The following ZBTB20 variants were observed in gnomAD, a reference collection of about 807,000 sequenced individuals.
ZBTB20 encodes zinc finger and BTB domain-containing protein 20.
In ZBTB20, 9 loss-of-function variants were observed where a neutral mutation model predicts 56.9. That is an observed-to-expected ratio of 0.16 (90% CI 0.10 to 0.28). The LOEUF (loss-of-function observed/expected upper bound fraction) is 0.28, where lower values mean the gene tolerates loss of function less well. Ranked by LOEUF, ZBTB20 falls within the 10% of genes least tolerant of loss-of-function variation. The probability of loss-of-function intolerance (pLI) is 1.00; values close to 1 mark genes in which losing one functional copy is unlikely to be tolerated. For missense variants in ZBTB20, 655 were observed against 1,003.0 expected (o/e 0.65, Z 4.69); for synonymous variants, 417 against 420.7 (o/e 0.99, Z 0.11).
chr3:114,495,977 A>C (rs2043240464), intron 7 of ZBTB20, among the ~76,000 whole-genome samples: 1 of 152,168 alleles, frequency 6.6e-6, no homozygotes, highest in Non-Finnish European at 1.5e-5. Context: ...TAAGAGTTGG[A>C]ATCCCTCTGT....
intron 6 of ZBTB20, among the ~76,000 whole-genome samples, chr3:114,608,770 T>G (rs1252095684): frequency 6.6e-6 from 1 of 152,240 alleles, no homozygotes; most frequent in African/African-American, 2.4e-5. Context: ...CTTAGTCATG[T>G]AACAGAGGGT....
chr3:114,719,128 C>A (rs1005623939), intron 5 of ZBTB20, among the ~76,000 whole-genome samples: 2 of 133,962 alleles, frequency 1.5e-5, no homozygotes, highest in East Asian at 2.2e-4. Context: ...TTAGGAGGAA[C>A]ACAGCCAGGA....
chr3:114,820,896 C>T (rs534562672), intron 4 of ZBTB20, among the ~76,000 whole-genome samples: 2 of 152,132 alleles, frequency 1.3e-5, no homozygotes, highest in South Asian at 4.1e-4. Context: ...TAAAATTTAC[C>T]TACATTGCTA....
At chr3:115,128,148 A>G (rs1238157355) in intron 1 of ZBTB20, among the ~76,000 whole-genome samples, 3 of 152,226 alleles carry the variant, frequency 2.0e-5, no homozygotes, top group African/African-American at 7.2e-5. Flanking sequence ...CTCGAGTAAC[A>G]TTAGTATTAT....
chr3:114,389,656 G>A (rs1375973296), intron 7 of ZBTB20, among the ~76,000 whole-genome samples: 6 of 151,836 alleles, frequency 4.0e-5, no homozygotes, highest in Admixed American at 6.6e-5. Flanking sequence ...TTGGGAGGCC[G>A]AGGTGTGAGG....
intron 6 of ZBTB20, chr3:114,527,198 G>A (rs1394457543): frequency 6.6e-6 from 1 of 152,094 alleles, no homozygotes; most frequent in East Asian, 1.9e-4. Flanking sequence ...AGGCCAAAAT[G>A]TAATGATTGT....
intron 4 of ZBTB20, among the ~76,000 whole-genome samples, chr3:114,877,898 G>C (rs2076256717): frequency 6.6e-6 from 1 of 152,130 alleles, no homozygotes; most frequent in South Asian, 2.1e-4. Context: ...AAATGGCTCT[G>C]TATTGTACTG....
chr3:114,666,325 G>A (rs1452659933), intron 6 of ZBTB20, among the ~76,000 whole-genome samples: 75 of 151,856 alleles, frequency 4.9e-4, no homozygotes, highest in Admixed American at 4.9e-3. Context: ...AGTTAACAGT[G>A]GTTCACCTGA....
chr3:114,535,631 A>G (rs1330671625), intron 6 of ZBTB20, among the ~76,000 whole-genome samples: 1 of 152,200 alleles, frequency 6.6e-6, no homozygotes, highest in Non-Finnish European at 1.5e-5. Context: ...CTCCTCCCTA[A>G]CTCTTTTTAT....
chr3:114,442,181 G>C (rs1327309154), intron 7 of ZBTB20, among the ~76,000 whole-genome samples: 1 of 152,086 alleles, frequency 6.6e-6, no homozygotes, highest in Non-Finnish European at 1.5e-5. Flanking sequence ...CCAAGTTCTT[G>C]GCCAAGTGTT....
chr3:114,453,927 C>A (rs1297548741), intron 7 of ZBTB20, among the ~76,000 whole-genome samples: 1 of 116,782 alleles, frequency 8.6e-6, no homozygotes, highest in African/African-American at 3.1e-5. Context: ...TCACTCCCCC[C>A]CCCCCCACCC....
At chr3:114,891,484 A>G (rs1306757898) in intron 4 of ZBTB20, among the ~76,000 whole-genome samples, 1 of 152,218 alleles carries the variant, frequency 6.6e-6, no homozygotes, top group Non-Finnish European at 1.5e-5. Flanking sequence ...GCTGATGACA[A>G]TAAATTACCA....
At chr3:114,398,720 T>C (rs1037879471) in intron 7 of ZBTB20, among the ~76,000 whole-genome samples, 1 of 152,202 alleles carries the variant, frequency 6.6e-6, no homozygotes, top group Non-Finnish European at 1.5e-5. Context: ...GGTAACTTGA[T>C]GAAAAGAAAA....
intron 6 of ZBTB20, among the ~76,000 whole-genome samples, chr3:114,534,464 T>C (rs894687314): frequency 9.9e-5 from 15 of 152,196 alleles, no homozygotes; most frequent in Admixed American, 9.8e-4. Flanking sequence ...ATGCACCTAA[T>C]ACAGGAGCAC....
At chr3:114,646,960 A>T (rs998172480) in intron 6 of ZBTB20, among the ~76,000 whole-genome samples, 3 of 151,654 alleles carry the variant, frequency 2.0e-5, no homozygotes, top group African/African-American at 4.8e-5. Context: ...ATTTTATTTT[A>T]TTTATTTATT....
intron 2 of ZBTB20, among the ~76,000 whole-genome samples, chr3:115,041,174 C>T (rs997240971): frequency 1.3e-5 from 2 of 152,092 alleles, no homozygotes; most frequent in Non-Finnish European, 2.9e-5. Context: ...AGTTGCCATT[C>T]GTCTTTAAAT....
At chr3:114,455,626 GGAA>G (rs2091967291) in intron 7 of ZBTB20, among the ~76,000 whole-genome samples, 2 of 152,096 alleles carry the variant, frequency 1.3e-5, no homozygotes, top group Non-Finnish European at 2.9e-5. Context: ...GAAGGATGCT[GGAA>G]GAAGAGGCAC....
intron 6 of ZBTB20, among the ~76,000 whole-genome samples, chr3:114,645,344 A>G (rs2107949688): frequency 6.6e-6 from 1 of 152,256 alleles, no homozygotes; most frequent in Admixed American, 6.5e-5. Context: ...TTTACCTCAA[A>G]CCTTTATGAA....
chr3:114,498,855 C>T (rs2043600846), intron 7 of ZBTB20, among the ~76,000 whole-genome samples: 1 of 152,142 alleles, frequency 6.6e-6, no homozygotes. Context: ...GACACAGGTC[C>T]CCTGTACTGC....
Sources: gnomAD v4.1 joint callset for allele counts (sites outside exome capture counted in the v4.1 genomes callset) on GRCh38, gnomAD v4.1.1 for gene constraint, MANE v1.5 for transcripts, NCBI Gene and HGNC (gene_info 2026-07-23, HGNC 2026-07-21) for gene names.